MAST4: variants seen among roughly 807,000 people sequenced by gnomAD.
MAST4 encodes the protein microtubule-associated serine/threonine-protein kinase 4.
Under a neutral mutation model 162.7 loss-of-function variants are expected in MAST4, and 89 were observed. The ratio of observed to expected loss-of-function variants is 0.55; its 90% CI spans 0.46 to 0.65. The LOEUF is 0.65. Ranked by LOEUF, MAST4 falls within the 30% of genes least tolerant of loss-of-function variation. The probability of loss-of-function intolerance (pLI) is 0.00; values close to 1 mark genes in which losing one functional copy is unlikely to be tolerated. For missense variants in MAST4, 3,153 were observed against 3,374.0 expected (o/e 0.93, Z 1.62); for synonymous variants, 1,479 against 1,361.1 (o/e 1.09, Z -1.91).
chr5:66,930,163 A>G (rs1411525577), intron 4 of MAST4, among the ~76,000 whole-genome samples: 2 of 152,228 alleles, frequency 1.3e-5, no homozygotes, highest in Non-Finnish European at 2.9e-5. Flanking sequence ...GAATGAGAGC[A>G]GGAAGAGACG....
intron 4 of MAST4, among the ~76,000 whole-genome samples, chr5:66,999,336 C>T (rs1351722587): frequency 6.6e-6 from 1 of 152,190 alleles, no homozygotes; most frequent in African/African-American, 2.4e-5. Flanking sequence ...TGCACCTTCT[C>T]CAGTCCTATG....
At chr5:66,744,363 A>G (rs1332443619) in intron 1 of MAST4, among the ~76,000 whole-genome samples, 2 of 152,226 alleles carry the variant, frequency 1.3e-5, no homozygotes, top group Non-Finnish European at 2.9e-5. Flanking sequence ...TTCCTCAAAC[A>G]GCTCGTTTTC....
At chr5:66,617,976 A>G (rs1346455483) in intron 1 of MAST4, among the ~76,000 whole-genome samples, 1 of 149,978 alleles carries the variant, frequency 6.7e-6, no homozygotes, top group Non-Finnish European at 1.5e-5. Context: ...ACTCCATTTG[A>G]ATCCCCTGTG....
intron 3 of MAST4, among the ~76,000 whole-genome samples, chr5:66,896,906 A>G (rs186302241): frequency 2.6e-5 from 4 of 152,328 alleles, no homozygotes; most frequent in Admixed American, 6.5e-5. Context: ...CTCAAAAACA[A>G]CAGGATTCTC....
chr5:66,719,883 C>T (rs1377537545), intron 1 of MAST4, among the ~76,000 whole-genome samples: 4 of 152,012 alleles, frequency 2.6e-5, no homozygotes, highest in Non-Finnish European at 4.4e-5. Context: ...AATTTATGCT[C>T]GAGAATTTTC....
rs141207969 is a variant in MAST4, at chr5:66,897,139, A to G, written c.643-2812A>G. ...CAACAATTAGCATATTGTTTAGTTC[A>G]GATGGATACTTCTTGCTGTTTTTTG... On this transcript the variant is annotated intron_variant, in intron 3 of 28. Transcript: ENST00000403625. Among the ~76,000 whole-genome samples, 471 of 152,320 alleles carry G rather than the reference A, an allele frequency of 3.1e-3. 2 individuals are homozygous for G. The highest frequency in any genetic ancestry group is 0.01 in the African/African-American group (436 of 41,564).
chr5:67,133,835 C>T (rs1312454386), intron 17 of MAST4, among the ~76,000 whole-genome samples, 189 bp downstream of exon 17: 1 of 152,118 alleles, frequency 6.6e-6, no homozygotes, highest in Non-Finnish European at 1.5e-5. Flanking sequence ...TTGTCTGCTC[C>T]CTCTACATTC....
intron 5 of MAST4, 38 bp from the exon 6 acceptor site, chr5:67,090,124 A>G (rs1763666041): frequency 2.9e-6 from 4 of 1,376,658 alleles, no homozygotes; most frequent in Non-Finnish European, 4.1e-6. Flanking sequence ...TGATACACAA[A>G]ATCATGTAGT....
At chr5:67,092,741 C>A (rs1764008662) in intron 6 of MAST4, among the ~76,000 whole-genome samples, 1 of 152,210 alleles carries the variant, frequency 6.6e-6, no homozygotes, top group Admixed American at 6.5e-5. Flanking sequence ...TGTATTTCCA[C>A]AAGCAAATTA....
chr5:66,604,724 C>G (rs1561207245), intron 1 of MAST4, among the ~76,000 whole-genome samples: 1 of 152,156 alleles, frequency 6.6e-6, no homozygotes, highest in Non-Finnish European at 1.5e-5. Context: ...TTTTGTGCCT[C>G]TTTGTGTTTG....
chr5:66,596,560 G>A lies in MAST4; in HGVS notation c.-96G>A. On this transcript the variant is annotated 5_prime_UTR_variant, in exon 1 of 29. In the 5' UTR this introduces an upstream ATG that the reference lacks. Coordinates refer to ENST00000403625, the MANE Select transcript of MAST4 (RefSeq NM_001164664.2). Reference sequence around the variant, plus strand: ...CTGCAGCCCGGGAGCGGCAGTGCCAGTGAGCCTGAGCCCAGGAGCCCGCGT... The same window carrying A: ...CTGCAGCCCGGGAGCGGCAGTGCCAATGAGCCTGAGCCCAGGAGCCCGCGT... The A allele has an allele frequency of 7.8e-7, 1 of 1,284,554 alleles. No individual in the cohort carries two copies. Among genetic ancestry groups the A allele is most frequent in the Non-Finnish European group, 9.8e-7 (1 of 1,016,422 alleles). 79.6% of individuals were successfully genotyped at this position (1,284,554 alleles called of 1,614,324 possible).
At chr5:66,863,422 C>T (rs4700166) in intron 3 of MAST4, among the ~76,000 whole-genome samples, 1 of 152,148 alleles carries the variant, frequency 6.6e-6, no homozygotes, top group Non-Finnish European at 1.5e-5. Context: ...TTGCAGCTGC[C>T]TTTGGCCCAG....
intron 4 of MAST4, among the ~76,000 whole-genome samples, chr5:66,992,348 T>C (rs1415652114): frequency 6.6e-6 from 1 of 152,190 alleles, no homozygotes; most frequent in East Asian, 1.9e-4. Flanking sequence ...GTGTTTCGCA[T>C]CTTCACTTCC....
intron 4 of MAST4, chr5:66,963,907 T>C (rs1213847535): frequency 3.8e-5 from 29 of 756,572 alleles, no homozygotes; most frequent in Non-Finnish European, 6.2e-5. Flanking sequence ...AGGAAACTGG[T>C]TGAATTGTTT....
In MAST4 at chr5:66,779,843, T is replaced by C. The variant is rs115495054; in HGVS notation, c.518-8827T>C. Among the ~76,000 whole-genome samples the C allele has an allele frequency of 6.0e-3, 911 of 152,332 alleles. 12 individuals carry two copies. Among genetic ancestry groups the C allele is most frequent in the African/African-American group, 0.021 (878 of 41,574 alleles). On this transcript the variant is annotated intron_variant, in intron 2 of 28. Coordinates refer to ENST00000403625, the MANE Select transcript of MAST4 (RefSeq NM_001164664.2). ...GACTCTTTGCGGTCTTTGCCCCTTC[T>C]TCATTTCTTAAGTTTGACAGGTTCT...
At chr5:66,842,671 C>A (rs189871130) in intron 3 of MAST4, among the ~76,000 whole-genome samples, 1 of 152,240 alleles carries the variant, frequency 6.6e-6, no homozygotes, top group East Asian at 1.9e-4. Context: ...TTCTGGGTGC[C>A]ACTCTCTCTA....
intron 1 of MAST4, among the ~76,000 whole-genome samples, chr5:66,758,752 T>C (rs572947365): frequency 1.3e-5 from 2 of 152,342 alleles, no homozygotes; most frequent in African/African-American, 4.8e-5. Context: ...CAAATCTCAG[T>C]GAAGCGGCTC....
chr5:66,707,192 A>G (rs1471476122), intron 1 of MAST4, among the ~76,000 whole-genome samples: 1 of 152,146 alleles, frequency 6.6e-6, no homozygotes, highest in Non-Finnish European at 1.5e-5. Context: ...CTGGCTGGTG[A>G]TGTTGAAAGT....
chr5:67,162,142 G>C (rs967287329), intron 27 of MAST4, among the ~76,000 whole-genome samples: 1 of 152,168 alleles, frequency 6.6e-6, no homozygotes, highest in African/African-American at 2.4e-5. Context: ...AATAAGCACA[G>C]CAAATAGCCC....
Sources: gnomAD v4.1 joint callset for allele counts (sites outside exome capture counted in the v4.1 genomes callset) on GRCh38, gnomAD v4.1.1 for gene constraint, MANE v1.5 for transcripts, NCBI Gene and HGNC (gene_info 2026-07-23, HGNC 2026-07-21) for gene names.